MAP3K19: variants seen among roughly 807,000 people sequenced by gnomAD.
MAP3K19 encodes SPS1/STE20-related protein kinase YSK4.
A neutral mutation model predicts 114.4 loss-of-function variants in MAP3K19; 91 were observed. The ratio of observed to expected loss-of-function variants is 0.80; its 90% confidence interval spans 0.67 to 0.95. The LOEUF is 0.95. Among genes scored for constraint, MAP3K19 ranks in the 40% least tolerant of loss-of-function variants. The probability of loss-of-function intolerance (pLI) is 0.00; values close to 1 mark genes in which losing one functional copy is unlikely to be tolerated. For synonymous variants in MAP3K19, 518 were observed against 530.5 expected (o/e 0.98, Z 0.32); for missense variants, 1,471 against 1,573.2 (o/e 0.94, Z 1.10).
chr2:135,007,072 G>A (rs933695752), intron 5 of MAP3K19, among the ~76,000 whole-genome samples: 5 of 151,508 alleles, frequency 3.3e-5, no homozygotes, highest in African/African-American at 9.7e-5. Context: ...GCTGAGGTGC[G>A]AGGATCATTT....
At chr2:135,002,140 C>T (rs1686485994) in intron 6 of MAP3K19, among the ~76,000 whole-genome samples, 1 of 152,100 alleles carries the variant, frequency 6.6e-6, no homozygotes, top group Non-Finnish European at 1.5e-5. Context: ...TTAGCAAGTG[C>T]ATTTTTCACA....
chr2:134,987,522 G>T lies in MAP3K19; in HGVS notation c.1350C>A (p.Asp450Glu). 6.2e-7 allele frequency: 1 copy of T among 1,614,092 alleles called. No individual in the cohort carries two copies. The highest frequency in any genetic ancestry group is 8.5e-7 in the Non-Finnish European group (1 of 1,180,028). The change falls in exon 10 of 13, where the codon GAC (aspartate) becomes GAA (glutamate). Residue 450 changes from aspartate to glutamate, a missense_variant. Transcript: ENST00000392915. ...AACCTTCTGGGAGTTTATCAATGGG[G>T]TCATCAAAGACTACACTGGATAAGC... ...LKSLSSVVFD[D>E]PIDKLPEGCS...
At chr2:135,041,336 AC>A (rs1481502406) in intron 1 of MAP3K19, among the ~76,000 whole-genome samples, 1 of 148,206 alleles carries the variant, frequency 6.7e-6, no homozygotes, top group African/African-American at 2.5e-5. Flanking sequence ...CCTGCATGGA[AC>A]CTTTTTTTTT....
chr2:135,023,339 C>T lies in MAP3K19; in HGVS notation c.22+1287G>A, dbSNP rs143437186. 4.7e-4 allele frequency: 213 copies of T among 451,744 alleles called. No individual in the cohort carries two copies. In the East Asian group the frequency reaches 0.011, roughly 23 times the overall value. The allele number at this position is 451,744 out of a possible 1,614,324, so 28.0% of individuals were successfully genotyped here. ...TGTCCCCACCGCTCCTCTCTATCTG[C>T]GGGTGCACCTCCTCGGCTCAGCCCT... On this transcript the variant is annotated intron_variant, in intron 4 of 12. Coordinates refer to ENST00000392915, the MANE Select transcript of MAP3K19 (RefSeq NM_025052.5).
chr2:134,983,081 T>G (rs1461241437), intron 11 of MAP3K19: 1 of 409,902 alleles, frequency 2.4e-6, no homozygotes, highest in Non-Finnish European at 4.9e-6. Context: ...TTCTAGCTAA[T>G]TGGAAATACA....
At chr2:134,989,980 G>T (rs1048557986) in intron 9 of MAP3K19, among the ~76,000 whole-genome samples, 7 of 151,978 alleles carry the variant, frequency 4.6e-5, no homozygotes, top group African/African-American at 1.7e-4. Context: ...TACTCAGGAG[G>T]CTGAGGCAGG....
At chr2:134,968,465 T>C (rs369399181) in intron 12 of MAP3K19, among the ~76,000 whole-genome samples, 35,250 of 128,808 alleles carry the variant, frequency 0.27, 4,504 homozygotes, top group Middle Eastern at 0.58. Context: ...ACCTCCCGGA[T>C]GGGGTGGCTG....
chr2:134,991,676 G>C (rs1237456789), intron 8 of MAP3K19, 96 bp from the exon 9 acceptor site: 2 of 978,986 alleles, frequency 2.0e-6, no homozygotes, highest in African/African-American at 3.2e-5. Flanking sequence ...GATGCTAAGG[G>C]GTCTGAGGAA....
intron 5 of MAP3K19, 84 bp from the exon 6 acceptor site, chr2:135,005,615 G>A: frequency 9.9e-7 from 1 of 1,008,222 alleles, no homozygotes; most frequent in Non-Finnish European, 1.5e-6. Context: ...ATTTTTCTGG[G>A]CTAAAGATTT....
intron 2 of MAP3K19, among the ~76,000 whole-genome samples, chr2:135,036,789 A>C (rs1688540566): frequency 6.6e-6 from 1 of 151,992 alleles, no homozygotes; most frequent in Admixed American, 6.6e-5. Context: ...GTTGCCAGAG[A>C]GGTAAGAAGA....
intron 6 of MAP3K19, 47 bp downstream of exon 6, chr2:135,005,388 A>G: frequency 7.3e-7 from 1 of 1,368,678 alleles, no homozygotes; most frequent in South Asian, 1.2e-5. Context: ...AGAAGCCCAT[A>G]TGATAATGTT....
chr2:134,973,483 C>G (rs1339274135), intron 12 of MAP3K19, among the ~76,000 whole-genome samples: 3 of 152,108 alleles, frequency 2.0e-5, no homozygotes, highest in African/African-American at 7.2e-5. Context: ...CTTTTTCCAT[C>G]CTTTCACTTT....
chr2:134,990,031 G>A (rs1040904898), intron 9 of MAP3K19, among the ~76,000 whole-genome samples: 3 of 151,792 alleles, frequency 2.0e-5, no homozygotes, highest in East Asian at 1.9e-4. Context: ...GCAGTGAGCC[G>A]AGATTGTGCC....
chr2:135,002,964 G>A (rs1686553780), intron 6 of MAP3K19, among the ~76,000 whole-genome samples: 2 of 152,154 alleles, frequency 1.3e-5, no homozygotes, highest in Admixed American at 1.3e-4. Flanking sequence ...CCCAAGTGTG[G>A]CTTATTTGGA....
rs773611649 is a variant in MAP3K19 at position 134,986,894 on chromosome 2, G to A, written c.1978C>T (p.Pro660Ser). 1.2e-6 allele frequency: 2 copies of A among 1,614,058 alleles called. No homozygotes were observed. Among genetic ancestry groups the A allele is most frequent in the Middle Eastern group, 1.6e-4 (1 of 6,062 alleles). The change falls in exon 10 of 13, where the codon CCT becomes TCT. Residue 660 changes from proline to serine, a missense_variant. Physicochemically the swap from Pro to Ser is moderately conservative, Grantham distance 74. Coordinates refer to ENST00000392915, the MANE Select transcript of MAP3K19 (RefSeq NM_025052.5). ...FKEINSTANGPGIYEMFGTPV... is the reference protein window; with the variant it reads ...FKEINSTANGSGIYEMFGTPV... ...GTCCCAAACATTTCATAGATTCCAGGTCCATTAGCAGTTGAATTGATTTCT... is the reference window on the plus strand; with the variant it reads ...GTCCCAAACATTTCATAGATTCCAGATCCATTAGCAGTTGAATTGATTTCT...
At chr2:134,993,550 G>T (rs897980075) in intron 8 of MAP3K19, among the ~76,000 whole-genome samples, 7 of 152,202 alleles carry the variant, frequency 4.6e-5, no homozygotes, top group African/African-American at 1.7e-4. Context: ...CATTCTAGAG[G>T]TTGAGGTTTT....
chr2:135,016,072 A>G (rs1001650151), intron 5 of MAP3K19, among the ~76,000 whole-genome samples: 3 of 152,198 alleles, frequency 2.0e-5, no homozygotes, highest in African/African-American at 7.2e-5. Context: ...GCAACAAAGC[A>G]AGACCCCATC....
intron 8 of MAP3K19, among the ~76,000 whole-genome samples, chr2:134,992,504 G>A (rs1685655156): frequency 2.6e-5 from 4 of 152,100 alleles, no homozygotes; most frequent in Admixed American, 2.0e-4. Context: ...GTGTCTCCAG[G>A]GTCAAAACAG....
At chr2:135,023,990 T>C (rs1292761269) in intron 4 of MAP3K19, among the ~76,000 whole-genome samples, 5 of 152,182 alleles carry the variant, frequency 3.3e-5, no homozygotes, top group Admixed American at 2.6e-4. Flanking sequence ...TGTTTCTCTT[T>C]TCCCTGACAT....
Sources: gnomAD v4.1 joint callset for allele counts (sites outside exome capture counted in the v4.1 genomes callset) on GRCh38, gnomAD v4.1.1 for gene constraint, MANE v1.5 for transcripts, NCBI Gene and HGNC (gene_info 2026-07-23, HGNC 2026-07-21) for gene names.